Variants in LAMB1 observed in about 807,000 individuals in gnomAD.
The protein encoded by LAMB1 is laminin subunit beta 1, also known as laminin subunit beta-1.
In LAMB1, 121 loss-of-function variants were observed where a neutral mutation model predicts 222.3. The observed-to-expected ratio is 0.54, with a 90% CI of 0.47 to 0.63. The LOEUF (loss-of-function observed/expected upper bound fraction) is 0.63. Ranked by LOEUF, LAMB1 falls within the 30% of genes least tolerant of loss-of-function variation. The pLI, the probability that LAMB1 is intolerant of heterozygous loss-of-function variation, is 0.00. For missense variants in LAMB1, 2,172 were observed against 2,240.8 expected, an observed-to-expected ratio of 0.97 and a Z score of 0.62; for synonymous variants, 794 against 807.2, an observed-to-expected ratio of 0.98 and a Z score of 0.28.
intron 25 of LAMB1, among the ~76,000 whole-genome samples, chr7:107,938,587 G>A (rs180890757): frequency 6.6e-6 from 1 of 152,282 alleles, no homozygotes; most frequent in East Asian, 1.9e-4. Context: ...AAACAGAGCT[G>A]TTTTGGGAAT....
rs747313614 is a variant in LAMB1 at position 107,998,439 on chromosome 7, C to A, written c.267G>T (p.Leu89=). 5.6e-6 allele frequency: 9 copies of A among 1,613,792 alleles called. No individual in the cohort carries two copies. Among genetic ancestry groups the A allele is most frequent in the Non-Finnish European group, 6.8e-6 (8 of 1,179,836 alleles). Residue 89 remains leucine (L), a synonymous_variant, in exon 4 of 34, where the codon CTG becomes CTT. Transcript: ENST00000222399. ...CNSQDPYHET[L]NPDSHLIENV... ...TTTCAATGAGATGGCTGTCAGGATT[C>A]AGGGTCTCATGATAAGGATCTTGGG...
chr7:107,960,367 G>A, intron 18 of LAMB1, 78 bp downstream of exon 18: 1 of 1,034,504 alleles, frequency 9.7e-7, no homozygotes, highest in South Asian at 1.4e-5. Context: ...TAGGGGGTGG[G>A]CACTCCACTG....
intron 24 of LAMB1, among the ~76,000 whole-genome samples, chr7:107,948,828 G>A (rs554454052): frequency 6.6e-6 from 1 of 152,194 alleles, no homozygotes; most frequent in African/African-American, 2.4e-5. Flanking sequence ...ACCGGGATTG[G>A]CCAGCATAAT....
chr7:107,979,080 A>C (rs115359712), intron 8 of LAMB1, among the ~76,000 whole-genome samples: 1 of 152,242 alleles, frequency 6.6e-6, no homozygotes, highest in Non-Finnish European at 1.5e-5. Context: ...AGCACATACC[A>C]TAAGACCCTA....
chr7:107,952,361 G>A, intron 22 of LAMB1, 138 bp from the exon 23 acceptor site: 2 of 652,650 alleles, frequency 3.1e-6, no homozygotes, highest in South Asian at 4.3e-5. Context: ...AAATGGAGGT[G>A]ATTCAAAAAT....
chr7:107,932,229 T>G lies in LAMB1; in HGVS notation c.4337A>C (p.Asp1446Ala). Residue 1446 changes from aspartate to alanine, a missense_variant, in exon 28 of 34, where the codon GAC becomes GCC. Physicochemically the swap from Asp to Ala is moderately radical, Grantham distance 126 (BLOSUM62 -2). Transcript: ENST00000222399. ...GGCACTCAGGACATCTTGGTCCAAGTCCATGGCTTTCTGCCAGGCGTTGTG... is the reference window on the plus strand; with the variant it reads ...GGCACTCAGGACATCTTGGTCCAAGGCCATGGCTTTCTGCCAGGCGTTGTG... Reference protein sequence around the residue: ...VAHNAWQKAMDLDQDVLSALA... With the variant: ...VAHNAWQKAMALDQDVLSALA... The G allele has an allele frequency of 6.2e-7, 1 of 1,614,232 alleles. No homozygotes were observed. Among genetic ancestry groups the G allele is most frequent in the Non-Finnish European group, 8.5e-7 (1 of 1,180,036 alleles).
intron 3 of LAMB1, chr7:107,999,991 C>T (rs2034352964): frequency 6.6e-6 from 1 of 152,050 alleles, no homozygotes. Flanking sequence ...TTTCCAGTTG[C>T]TTTTAATACA....
At position 107,924,133 on chromosome 7, in the gene LAMB1, G is replaced by A. The variant is rs1214763462; in HGVS notation, c.5225-46C>T. 3.9e-6 allele frequency: 6 copies of A among 1,522,520 alleles called. No homozygotes were observed. The East Asian group carries it at 1.4e-4, about 35-fold the overall frequency. 94.3% of individuals were successfully genotyped at this position (1,522,520 alleles called of 1,614,324 possible). ...ATAAAGTCTGAGCAATTTATACTAT[G>A]ATGATCTCAAGACAAAGTGAATATA... is the stretch of plus-strand genomic sequence containing the variant. On this transcript the variant is annotated intron_variant, in intron 33 of 33. Transcript: ENST00000222399.
At chr7:107,995,902 C>A (rs1377527310) in intron 4 of LAMB1, among the ~76,000 whole-genome samples, 1 of 151,788 alleles carries the variant, frequency 6.6e-6, no homozygotes, top group East Asian at 1.9e-4. Context: ...TCAGGAGGAC[C>A]TTTTGAAATA....
chr7:107,976,463 G>A (rs1042661624), intron 9 of LAMB1, among the ~76,000 whole-genome samples: 1 of 152,176 alleles, frequency 6.6e-6, no homozygotes, highest in Non-Finnish European at 1.5e-5. Flanking sequence ...GAGCCCATTC[G>A]GCGGTCATCT....
At chr7:107,952,538 T>A (rs2033280453) in intron 22 of LAMB1, among the ~76,000 whole-genome samples, 1 of 152,194 alleles carries the variant, frequency 6.6e-6, no homozygotes, top group African/African-American at 2.4e-5. Flanking sequence ...GAAATAATTT[T>A]AAAAAATGCC....
intron 27 of LAMB1, among the ~76,000 whole-genome samples, chr7:107,933,078 C>T (rs541246029): frequency 2.8e-4 from 42 of 152,288 alleles, no homozygotes; most frequent in Non-Finnish European, 3.7e-4. Flanking sequence ...TTACCACCCC[C>T]GACTGCCATC....
intron 27 of LAMB1, among the ~76,000 whole-genome samples, chr7:107,934,419 C>A (rs2032790893): frequency 6.6e-6 from 1 of 152,144 alleles, no homozygotes. Context: ...AAAATACCCT[C>A]CAAATTATTT....
intron 26 of LAMB1, 115 bp downstream of exon 26, chr7:107,936,978 A>T: frequency 1.1e-6 from 1 of 871,974 alleles, no homozygotes; most frequent in Non-Finnish European, 1.7e-6. Context: ...CTGGATGAGC[A>T]AAAGTTTTAA....
chr7:107,995,746 G>A (rs899323375), intron 4 of LAMB1, among the ~76,000 whole-genome samples: 3 of 152,218 alleles, frequency 2.0e-5, no homozygotes, highest in Non-Finnish European at 4.4e-5. Context: ...TCTCAAGCCT[G>A]CCTGTTCAGC....
At chr7:107,990,159 C>T (rs940683371) in intron 5 of LAMB1, among the ~76,000 whole-genome samples, 16 of 152,128 alleles carry the variant, frequency 1.1e-4, no homozygotes, top group African/African-American at 3.9e-4. Context: ...CAACCTCAGC[C>T]TCCTGAGTAG....
At chr7:107,985,945 G>A (rs1331755240) in intron 7 of LAMB1, 77 bp downstream of exon 7, 51 of 1,141,762 alleles carry the variant, frequency 4.5e-5, no homozygotes, top group Middle Eastern at 2.8e-4. Flanking sequence ...CAACAAGAGC[G>A]GAACTCTGTC....
chr7:107,977,310 C>A (rs2033886785), intron 9 of LAMB1, among the ~76,000 whole-genome samples: 1 of 152,194 alleles, frequency 6.6e-6, no homozygotes, highest in East Asian at 1.9e-4. Context: ...TGGGGAGGGG[C>A]AGTGGTGTTG....
intron 13 of LAMB1, among the ~76,000 whole-genome samples, chr7:107,965,262 T>C (rs2033608290): frequency 6.6e-6 from 1 of 152,202 alleles, no homozygotes; most frequent in Non-Finnish European, 1.5e-5. Context: ...TCTTCCCCCT[T>C]TCCATTGGCT....
Sources: gnomAD v4.1 joint callset for allele counts (sites outside exome capture counted in the v4.1 genomes callset) on GRCh38, gnomAD v4.1.1 for gene constraint, MANE v1.5 for transcripts, NCBI Gene and HGNC (gene_info 2026-07-23, HGNC 2026-07-21) for gene names.